CSMD1: variants seen among roughly 807,000 people sequenced by gnomAD.
CSMD1 encodes the protein CUB and Sushi multiple domains 1.
Under a neutral mutation model 417.5 loss-of-function variants are expected in CSMD1, and 213 were observed. The ratio of observed to expected loss-of-function variants is 0.51; its 90% CI spans 0.46 to 0.57. The LOEUF is 0.57. CSMD1 is among the 20% of genes least tolerant of loss of function. The probability of loss-of-function intolerance (pLI) is 0.00; values close to 1 mark genes in which losing one functional copy is unlikely to be tolerated. For synonymous variants in CSMD1, 2,862 were observed against 1,736.8 expected (o/e 1.65, Z -16.11); for missense variants, 6,923 against 4,529.7 (o/e 1.53, Z -15.17).
At chr8:4,808,599 G>T (rs539864587) in intron 1 of CSMD1, among the ~76,000 whole-genome samples, 1 of 152,044 alleles carries the variant, frequency 6.6e-6, no homozygotes, top group African/African-American at 2.4e-5. Flanking sequence ...GATACTAATG[G>T]TTTCACCCAA....
intron 3 of CSMD1, among the ~76,000 whole-genome samples, chr8:4,079,371 A>C (rs1047997807): frequency 3.9e-5 from 6 of 152,196 alleles, no homozygotes; most frequent in Admixed American, 6.5e-5. Flanking sequence ...TGTAATCTGT[A>C]ATCAGGCATT....
intron 3 of CSMD1, among the ~76,000 whole-genome samples, chr8:4,186,649 C>T (rs1798694889): frequency 6.6e-6 from 1 of 152,016 alleles, no homozygotes; most frequent in South Asian, 2.1e-4. Context: ...TTTTAGATGC[C>T]TCTATTTCCC....
chr8:4,376,768 G>C (rs982045504), intron 3 of CSMD1, among the ~76,000 whole-genome samples: 5 of 152,188 alleles, frequency 3.3e-5, no homozygotes, highest in African/African-American at 1.2e-4. Context: ...TTTTCAGCCT[G>C]TTTGATAACC....
chr8:3,256,753 G>A (rs1800686653), intron 26 of CSMD1, among the ~76,000 whole-genome samples: 1 of 152,162 alleles, frequency 6.6e-6, no homozygotes, highest in African/African-American at 2.4e-5. Flanking sequence ...TCCTGACTCA[G>A]AAAAGGGACA....
chr8:3,798,424 G>T lies in CSMD1; in HGVS notation c.819-44382C>A, dbSNP rs533323794. ...CCAAGTGTGAGTGTGAGGTAAGAGT[G>T]CAGTTTCACTGATATACTCATTTTG... On this transcript the variant is annotated intron_variant, in intron 5 of 69. Coordinates refer to ENST00000635120, the MANE Select transcript of CSMD1 (RefSeq NM_033225.6). 9.9e-5 allele frequency among the ~76,000 whole-genome samples: 15 copies of T among 152,166 alleles called. No individual in the cohort carries two copies. The East Asian group carries it at 2.9e-3, about 29-fold the overall frequency.
chr8:4,695,469 G>A (rs755307150), intron 1 of CSMD1, among the ~76,000 whole-genome samples: 5 of 152,164 alleles, frequency 3.3e-5, no homozygotes, highest in Non-Finnish European at 5.9e-5. Flanking sequence ...CTCAGTTGTT[G>A]CCTCTCCTTT....
intron 1 of CSMD1, among the ~76,000 whole-genome samples, chr8:4,897,195 A>T (rs890238800): frequency 3.3e-5 from 5 of 152,076 alleles, no homozygotes; most frequent in Non-Finnish European, 5.9e-5. Flanking sequence ...ATGTCAGGGG[A>T]GGTAGAATAA....
chr8:4,210,570 A>G (rs549992445), intron 3 of CSMD1, among the ~76,000 whole-genome samples: 3 of 152,330 alleles, frequency 2.0e-5, no homozygotes, highest in African/African-American at 7.2e-5. Flanking sequence ...GAAACACAAT[A>G]TCTGACCAAT....
intron 5 of CSMD1, among the ~76,000 whole-genome samples, chr8:3,904,639 CTTT>C (rs11395103): frequency 3.0e-5 from 4 of 133,122 alleles, no homozygotes; most frequent in Non-Finnish European, 6.3e-5. Flanking sequence ...CGTTTTCTTT[CTTT>C]TTTTTTTTTT....
At chr8:3,124,804 T>C (rs983253) in intron 41 of CSMD1, among the ~76,000 whole-genome samples, 2,165 of 152,338 alleles carry the variant, frequency 0.014, 45 homozygotes, top group African/African-American at 0.049. Context: ...AAATCCCATC[T>C]GCCAGTCAAC....
chr8:4,005,914 G>C (rs980888060), intron 4 of CSMD1, among the ~76,000 whole-genome samples: 7 of 152,158 alleles, frequency 4.6e-5, no homozygotes, highest in Non-Finnish European at 1.0e-4. Context: ...CTTAGAAGTT[G>C]ACTTTGCAGA....
At chr8:4,277,485 G>T (rs1048232496) in intron 3 of CSMD1, among the ~76,000 whole-genome samples, 2 of 151,994 alleles carry the variant, frequency 1.3e-5, no homozygotes, top group African/African-American at 4.8e-5. Flanking sequence ...TCTTAAAAAA[G>T]CATATTCTCA....
chr8:4,066,061 G>T (rs1306122129), intron 3 of CSMD1, among the ~76,000 whole-genome samples: 1 of 152,196 alleles, frequency 6.6e-6, no homozygotes, highest in East Asian at 1.9e-4. Flanking sequence ...GGGAAAGCCT[G>T]GAATAGGTGG....
intron 1 of CSMD1, among the ~76,000 whole-genome samples, chr8:4,799,703 A>C (rs1384132440): frequency 6.6e-6 from 1 of 151,802 alleles, no homozygotes; most frequent in Admixed American, 6.6e-5. Flanking sequence ...TTATCAATAC[A>C]ATATTTATTA....
At chr8:4,309,102 T>A (rs1449358636) in intron 3 of CSMD1, among the ~76,000 whole-genome samples, 1 of 152,216 alleles carries the variant, frequency 6.6e-6, no homozygotes, top group Non-Finnish European at 1.5e-5. Context: ...TCACTTGTTC[T>A]ATCTAGTTTA....
At chr8:4,117,451 A>G (rs191984297) in intron 3 of CSMD1, among the ~76,000 whole-genome samples, 30 of 152,242 alleles carry the variant, frequency 2.0e-4, no homozygotes, top group Non-Finnish European at 2.6e-4. Flanking sequence ...CTGCAATTTC[A>G]GGGTTATGAT....
At chr8:3,072,924 G>C (rs1321103374) in intron 49 of CSMD1, among the ~76,000 whole-genome samples, 3 of 152,068 alleles carry the variant, frequency 2.0e-5, no homozygotes, top group East Asian at 3.9e-4. Context: ...TCAAGTGTCA[G>C]ATAATATTAA....
chr8:4,056,608 A>T (rs1364310417), intron 3 of CSMD1, among the ~76,000 whole-genome samples: 1 of 151,854 alleles, frequency 6.6e-6, no homozygotes, highest in Non-Finnish European at 1.5e-5. Context: ...CTATGTATAC[A>T]TGTGCCATGC....
chr8:4,642,002 A>G (rs141483979), intron 1 of CSMD1, among the ~76,000 whole-genome samples: 2,748 of 152,280 alleles, frequency 0.018, 47 homozygotes, highest in Non-Finnish European at 0.023. Flanking sequence ...GATGTGAACA[A>G]TTTGGATTTG....
Sources: allele counts gnomAD v4.1 joint callset (sites outside exome capture counted in the v4.1 genomes callset), GRCh38; gene constraint gnomAD v4.1.1; transcripts MANE v1.5; gene names NCBI Gene and HGNC (gene_info 2026-07-23, HGNC 2026-07-21).